The following RANBP2 variants were observed in gnomAD, a reference collection of about 807,000 sequenced individuals.
The protein encoded by RANBP2 is RAN binding protein 2.
In RANBP2, 57 loss-of-function variants were observed where a neutral mutation model predicts 303.6. The ratio of observed to expected loss-of-function variants is 0.19; its 90% CI spans 0.15 to 0.23. The LOEUF (loss-of-function observed/expected upper bound fraction) is 0.23, where lower values mean the gene tolerates loss of function less well. RANBP2 is among the 10% of genes least tolerant of loss of function. RANBP2 has a pLI of 1.00. For missense variants in RANBP2, 3,138 were observed against 3,780.8 expected (o/e 0.83, Z 4.46); for synonymous variants, 1,167 against 1,301.5 (o/e 0.90, Z 2.23).
intron 14 of RANBP2, 84 bp from the exon 15 acceptor site, chr2:108,753,741 C>A (rs1227731412): frequency 3.7e-6 from 6 of 1,608,034 alleles, no homozygotes; most frequent in Non-Finnish European, 5.1e-6. Flanking sequence ...GCTGGGATTA[C>A]AGGCATGAGC....
At chr2:109,165,155 A>T in the RANBP2 span, among the ~76,000 whole-genome samples, 17 of 152,102 alleles carry the variant, frequency 1.1e-4, no homozygotes, top group African/African-American at 4.1e-4. Context: ...TTAGGTCATC[A>T]ACTTGCTGCC....
the RANBP2 span, among the ~76,000 whole-genome samples, chr2:109,100,385 A>G: frequency 2.6e-5 from 4 of 152,324 alleles, no homozygotes; most frequent in South Asian, 6.2e-4. Flanking sequence ...TAAGAATCCA[A>G]TGCCTGATGA....
At chr2:109,283,310 G>A in the RANBP2 span, among the ~76,000 whole-genome samples, 3 of 152,202 alleles carry the variant, frequency 2.0e-5, no homozygotes, top group Admixed American at 6.5e-5. Context: ...TTGTGGGCCT[G>A]CTGGACACCT....
chr2:109,584,215 G>A, the RANBP2 span, among the ~76,000 whole-genome samples: 4,575 of 152,132 alleles, frequency 0.03, 77 homozygotes, highest in South Asian at 0.076. Flanking sequence ...AGTTGCTCAC[G>A]CCTGTAATCC....
the RANBP2 span, chr2:108,930,256 G>T: frequency 3.7e-6 from 6 of 1,614,054 alleles, no homozygotes; most frequent in Middle Eastern, 1.6e-4. Flanking sequence ...CCAACAAAGG[G>T]GGGTGTTGTG....
the RANBP2 span, among the ~76,000 whole-genome samples, chr2:108,850,474 C>CA: frequency 1.3e-5 from 2 of 151,902 alleles, no homozygotes; most frequent in African/African-American, 2.4e-5. Context: ...TTTTTGGAGA[C>CA]AGAGTTTCAC....
chr2:109,374,588 T>C, the RANBP2 span, among the ~76,000 whole-genome samples: 1 of 152,166 alleles, frequency 6.6e-6, no homozygotes, highest in East Asian at 1.9e-4. Flanking sequence ...AGCTTCCATC[T>C]TGGGCTACTG....
At chr2:109,633,001 A>G in the RANBP2 span, among the ~76,000 whole-genome samples, 4 of 152,108 alleles carry the variant, frequency 2.6e-5, no homozygotes, top group Admixed American at 2.6e-4. Flanking sequence ...CATGGCTTGG[A>G]GGAGGGGAAC....
chr2:109,513,993 C>T, the RANBP2 span, among the ~76,000 whole-genome samples: 4 of 152,176 alleles, frequency 2.6e-5, no homozygotes, highest in African/African-American at 9.7e-5. Flanking sequence ...TTCTGGTCCC[C>T]AGTGAGTCTG....
the RANBP2 span, among the ~76,000 whole-genome samples, chr2:108,980,605 G>A: frequency 6.6e-6 from 1 of 152,138 alleles, no homozygotes; most frequent in Non-Finnish European, 1.5e-5. Context: ...TAAAACAGGA[G>A]TCCAGGGGTG....
At chr2:109,373,067 TTGAA>T in the RANBP2 span, among the ~76,000 whole-genome samples, 2 of 152,212 alleles carry the variant, frequency 1.3e-5, no homozygotes, top group Admixed American at 6.5e-5. Context: ...CACATTTAGT[TTGAA>T]TGTGCTGCCC....
chr2:109,378,460 G>T, the RANBP2 span, among the ~76,000 whole-genome samples: 1 of 152,212 alleles, frequency 6.6e-6, no homozygotes, highest in African/African-American at 2.4e-5. Flanking sequence ...ATGAACTAGA[G>T]GCTGCATGGG....
the RANBP2 span, chr2:109,432,639 G>A: frequency 6.2e-7 from 1 of 1,612,860 alleles, no homozygotes; most frequent in Non-Finnish European, 8.5e-7. Flanking sequence ...TCTCTGGGGT[G>A]TTCCCCGGAA....
the RANBP2 span, chr2:109,615,819 T>C: frequency 1.9e-6 from 3 of 1,613,802 alleles, no homozygotes; most frequent in African/African-American, 4.0e-5. Context: ...CCATCACCAC[T>C]CGGCTGAGGG....
the RANBP2 span, among the ~76,000 whole-genome samples, chr2:109,685,214 A>C: frequency 1.3e-5 from 2 of 152,182 alleles, no homozygotes; most frequent in Non-Finnish European, 2.9e-5. Context: ...CATTGTGCAG[A>C]TGTGCACATG....
the RANBP2 span, among the ~76,000 whole-genome samples, chr2:109,674,464 G>C: frequency 6.8e-6 from 1 of 147,900 alleles, no homozygotes; most frequent in African/African-American, 2.5e-5. Flanking sequence ...TGTACCTGTA[G>C]TCCCAGCTAC....
the RANBP2 span, among the ~76,000 whole-genome samples, chr2:109,082,355 C>A: frequency 1.3e-5 from 2 of 151,856 alleles, no homozygotes; most frequent in Non-Finnish European, 2.9e-5. Flanking sequence ...GGCTAGAGTG[C>A]AGTGGTGCTA....
At chr2:108,929,331 G>A in the RANBP2 span, 6 of 1,614,020 alleles carry the variant, frequency 3.7e-6, no homozygotes, top group Non-Finnish European at 5.1e-6. Flanking sequence ...TTCTCCGCCG[G>A]GCAGGGGACG....
At chr2:109,304,107 A>C in the RANBP2 span, among the ~76,000 whole-genome samples, 1 of 151,808 alleles carries the variant, frequency 6.6e-6, no homozygotes, top group Non-Finnish European at 1.5e-5. Context: ...ATCTCAAAAA[A>C]AAAAAAGAAA....
Sources: allele counts gnomAD v4.1 joint callset (sites outside exome capture counted in the v4.1 genomes callset), GRCh38; gene constraint gnomAD v4.1.1; transcripts MANE v1.5; gene names NCBI Gene and HGNC (gene_info 2026-07-23, HGNC 2026-07-21).